The following GRIA1 variants were observed in gnomAD, a reference collection of about 807,000 sequenced individuals.
The protein encoded by GRIA1 is glutamate ionotropic receptor AMPA type subunit 1.
In GRIA1, 31 loss-of-function variants were observed where a neutral mutation model predicts 99.2. The ratio of observed to expected loss-of-function variants is 0.31; its 90% CI spans 0.23 to 0.42. The LOEUF (loss-of-function observed/expected upper bound fraction) is 0.42, where lower values mean the gene tolerates loss of function less well. GRIA1 is among the 10% of genes least tolerant of loss of function. The probability of loss-of-function intolerance (pLI) is 1.00; values close to 1 mark genes in which losing one functional copy is unlikely to be tolerated. For synonymous variants in GRIA1, 438 were observed against 432.4 expected, an observed-to-expected ratio of 1.01 and a Z score of -0.16; for missense variants, 782 against 1,157.5, an observed-to-expected ratio of 0.68 and a Z score of 4.71.
intron 10 of GRIA1, among the ~76,000 whole-genome samples, chr5:153,704,533 T>G (rs1163196936): frequency 3.3e-5 from 5 of 152,236 alleles, no homozygotes; most frequent in Non-Finnish European, 4.4e-5. Context: ...TGCAACCTTT[T>G]TATGTTTATC....
chr5:153,782,479 A>C (rs1206842093), intron 13 of GRIA1, among the ~76,000 whole-genome samples: 1 of 152,200 alleles, frequency 6.6e-6, no homozygotes, highest in Non-Finnish European at 1.5e-5. Context: ...CTCATTTTTC[A>C]AAAGAAACTA....
At position 153,770,422 on chromosome 5, in the gene GRIA1, A is replaced by G; in HGVS notation, c.2270+7A>G. The G allele has an allele frequency of 6.2e-7, 1 of 1,608,244 alleles. No individual in the cohort carries two copies. Among genetic ancestry groups the G allele is most frequent in the Non-Finnish European group, 8.5e-7 (1 of 1,175,284 alleles). ...CCAAGGGGTCTGCCCTGAGGTAAGT[A>G]GCCAAGATTTGCTTCCTTGGTACTC... is the stretch of plus-strand genomic sequence containing the variant. On this transcript the variant is annotated splice_region_variant and intron_variant, in intron 13 of 15. Transcript: ENST00000285900.
intron 2 of GRIA1, among the ~76,000 whole-genome samples, chr5:153,510,299 G>T (rs1438563356): frequency 6.6e-6 from 1 of 152,202 alleles, no homozygotes; most frequent in Non-Finnish European, 1.5e-5. Flanking sequence ...GGATAAAACT[G>T]AGGATTAATC....
intron 7 of GRIA1, among the ~76,000 whole-genome samples, chr5:153,682,959 C>T (rs1757083870): frequency 6.6e-6 from 1 of 152,224 alleles, no homozygotes; most frequent in South Asian, 2.1e-4. Flanking sequence ...GCACCCAGTA[C>T]CCTTTACAGG....
chr5:153,788,685 T>G (rs1342838851), intron 13 of GRIA1, among the ~76,000 whole-genome samples: 2 of 152,230 alleles, frequency 1.3e-5, no homozygotes, highest in Admixed American at 1.3e-4. Flanking sequence ...GTTTCTCCAA[T>G]TAGACTGTAA....
intron 5 of GRIA1, among the ~76,000 whole-genome samples, chr5:153,666,591 T>C (rs1028930853): frequency 1.3e-5 from 2 of 152,218 alleles, no homozygotes; most frequent in African/African-American, 4.8e-5. Flanking sequence ...AGAGTCTTTT[T>C]ACTTGTTGGT....
intron 2 of GRIA1, among the ~76,000 whole-genome samples, chr5:153,547,175 A>ATT (rs146737321): frequency 6.7e-6 from 1 of 150,000 alleles, no homozygotes; most frequent in East Asian, 1.9e-4. Context: ...TTTTTGTGTG[A>ATT]TTTTTTTTTT....
chr5:153,648,235 C>A (rs117848182), intron 3 of GRIA1, among the ~76,000 whole-genome samples: 1 of 152,172 alleles, frequency 6.6e-6, no homozygotes. Context: ...CTTTGATTTT[C>A]TCTTCACTGT....
intron 8 of GRIA1, among the ~76,000 whole-genome samples, chr5:153,694,951 A>T (rs1026488815): frequency 2.0e-5 from 3 of 152,076 alleles, no homozygotes; most frequent in Non-Finnish European, 1.5e-5. Context: ...GATGGATGAC[A>T]GGGAAGAAAA....
intron 2 of GRIA1, among the ~76,000 whole-genome samples, chr5:153,506,722 C>T (rs75475089): frequency 0.011 from 1,627 of 152,238 alleles, 31 homozygotes; most frequent in African/African-American, 0.037. Flanking sequence ...AAGCTCACAG[C>T]GCCCGCATGG....
chr5:153,633,479 A>G (rs770678740), intron 2 of GRIA1, among the ~76,000 whole-genome samples: 4 of 152,176 alleles, frequency 2.6e-5, no homozygotes, highest in Non-Finnish European at 5.9e-5. Context: ...AGGGAACTAA[A>G]TACTTGGTAG....
At position 153,650,458 on chromosome 5, in the gene GRIA1, G is replaced by A. The variant is rs962966628; in HGVS notation, c.589G>A (p.Glu197Lys). The A allele has an allele frequency of 6.2e-7, 1 of 1,613,860 alleles. No homozygotes were observed. Among genetic ancestry groups the A allele is most frequent in the African/African-American group, 1.3e-5 (1 of 74,904 alleles). Reference sequence around the variant, plus strand: ...CTTTCAGGACCTGGAGAAGAAAAAGGAGCGGCTGGTGGTGGTGGACTGTGA... The same window carrying A: ...CTTTCAGGACCTGGAGAAGAAAAAGAAGCGGCTGGTGGTGGTGGACTGTGA... ...MLFQDLEKKK[E>K]RLVVVDCESE... The change falls in exon 4 of 16, where the codon GAG (glutamate) becomes AAG (lysine). Residue 197 changes from glutamate to lysine, a missense_variant. By Grantham distance (56) the Glu-to-Lys change is moderately conservative. This residue lies in a region of GRIA1 where 461 missense variants were observed against 521.7 expected (regional missense o/e 0.88). Coordinates refer to ENST00000285900, the MANE Select transcript of GRIA1 (RefSeq NM_000827.4).
intron 11 of GRIA1, among the ~76,000 whole-genome samples, chr5:153,760,386 C>T (rs1050251360): frequency 2.0e-5 from 3 of 151,904 alleles, no homozygotes; most frequent in African/African-American, 7.3e-5. Context: ...TATAGTCTAA[C>T]AGAAAAATAC....
intron 2 of GRIA1, among the ~76,000 whole-genome samples, chr5:153,571,952 A>G (rs886601128): frequency 1.3e-5 from 2 of 152,160 alleles, no homozygotes; most frequent in Non-Finnish European, 2.9e-5. Context: ...AGAAGTTGCC[A>G]TGCCATTTTA....
At chr5:153,531,298 T>G (rs968278919) in intron 2 of GRIA1, among the ~76,000 whole-genome samples, 2 of 152,154 alleles carry the variant, frequency 1.3e-5, no homozygotes, top group African/African-American at 4.8e-5. Flanking sequence ...GGACAAATGA[T>G]GCAGGGCCTT....
intron 11 of GRIA1, among the ~76,000 whole-genome samples, chr5:153,717,434 A>G (rs1175298871): frequency 6.6e-6 from 1 of 152,080 alleles, no homozygotes; most frequent in Non-Finnish European, 1.5e-5. Context: ...GCCAATACCA[A>G]TGAATACCTA....
chr5:153,624,188 TA>T (rs1359035325), intron 2 of GRIA1, among the ~76,000 whole-genome samples: 1 of 152,174 alleles, frequency 6.6e-6, no homozygotes, highest in Non-Finnish European at 1.5e-5. Flanking sequence ...ATTGGGTATA[TA>T]AAAAGAAGAA....
chr5:153,656,380 TG>T, intron 5 of GRIA1, among the ~76,000 whole-genome samples: 2 of 70,410 alleles, frequency 2.8e-5, no homozygotes, highest in African/African-American at 1.1e-4. Flanking sequence ...TAGATAAGTT[TG>T]TTTATATATA....
chr5:153,560,070 T>C (rs1399278226), intron 2 of GRIA1, among the ~76,000 whole-genome samples: 1 of 152,138 alleles, frequency 6.6e-6, no homozygotes, highest in Non-Finnish European at 1.5e-5. Context: ...CAAGTTTGCA[T>C]AGTTTGTAAA....
Sources: gnomAD v4.1 joint callset for allele counts (sites outside exome capture counted in the v4.1 genomes callset) on GRCh38, gnomAD v4.1.1 for gene constraint, gnomAD v4.1.1 regional missense constraint, MANE v1.5 for transcripts, NCBI Gene and HGNC (gene_info 2026-07-23, HGNC 2026-07-21) for gene names.